The following COMMD1 variants were observed in gnomAD, a reference collection of about 807,000 sequenced individuals.
COMMD1 encodes the protein COMM domain-containing protein 1.
COMMD1 carries 10 observed loss-of-function variants against 17.2 expected under a neutral mutation model. The observed-to-expected ratio is 0.58, with a 90% confidence interval of 0.36 to 0.99. The LOEUF (loss-of-function observed/expected upper bound fraction) is 0.99. Ranked by LOEUF, COMMD1 falls within the 50% of genes least tolerant of loss-of-function variation. The pLI is 0.01. For synonymous variants in COMMD1, 97 were observed against 91.6 expected, an observed-to-expected ratio of 1.06 and a Z score of -0.34; for missense variants, 270 against 231.8, an observed-to-expected ratio of 1.17 and a Z score of -1.07.
intron 2 of COMMD1, among the ~76,000 whole-genome samples, chr2:62,005,570 G>A (rs1669088740): frequency 6.6e-6 from 1 of 152,228 alleles, no homozygotes; most frequent in Non-Finnish European, 1.5e-5. Flanking sequence ...AGACATTTAT[G>A]TAGCCAAAAG....
intron 2 of COMMD1, chr2:62,100,464 AT>A (rs1672146054): frequency 6.6e-6 from 1 of 152,214 alleles, no homozygotes; most frequent in South Asian, 2.1e-4. Flanking sequence ...GGTTTTATAC[AT>A]TTTAGGGAGG....
chr2:61,947,495 C>A (rs1020479066), intron 1 of COMMD1, among the ~76,000 whole-genome samples: 1 of 151,940 alleles, frequency 6.6e-6, no homozygotes, highest in African/African-American at 2.4e-5. Flanking sequence ...ACCAGCCTGG[C>A]CAACATGGTG....
chr2:62,015,594 G>A (rs912126813), intron 2 of COMMD1, among the ~76,000 whole-genome samples: 3 of 151,644 alleles, frequency 2.0e-5, no homozygotes, highest in Non-Finnish European at 4.4e-5. Context: ...TTAAGGAACT[G>A]ACAAACTATT....
chr2:62,038,834 G>C (rs1213681525), intron 2 of COMMD1, among the ~76,000 whole-genome samples: 1 of 151,910 alleles, frequency 6.6e-6, no homozygotes, highest in Non-Finnish European at 1.5e-5. Flanking sequence ...CAGGTGTGAG[G>C]CATCACTCCT....
At position 61,899,729 on chromosome 2, in the gene COMMD1, C is replaced by T. The variant is rs146091212; in HGVS notation, n.119+10887C>T. 7.0e-3 allele frequency among the ~76,000 whole-genome samples: 1,068 copies of T among 152,192 alleles called. 12 individuals carry two copies. The highest frequency in any genetic ancestry group is 0.024 in the African/African-American group (1,015 of 41,536). ...TTGCTCTGTCGCCCAGGCTGGAGTA[C>T]AGTGGCGTGATCCCAGCTCACTGCA... On this transcript the variant is annotated intron_variant and non_coding_transcript_variant, in intron 1 of 2. Coordinates refer to the COMMD1 transcript ENST00000472729.
chr2:62,031,844 AGATTATCT>A (rs1049346391), intron 2 of COMMD1, among the ~76,000 whole-genome samples: 1 of 152,210 alleles, frequency 6.6e-6, no homozygotes, highest in African/African-American at 2.4e-5. Context: ...ATCTTTACTC[AGATTATCT>A]CTGTCTGACA....
intron 1 of COMMD1, among the ~76,000 whole-genome samples, chr2:61,911,458 G>A (rs1486245575): frequency 2.6e-5 from 4 of 152,132 alleles, no homozygotes; most frequent in African/African-American, 9.7e-5. Context: ...CCTGGGCAAT[G>A]AGCAAAACTC....
chr2:61,928,248 C>T (rs976697335), intron 1 of COMMD1, among the ~76,000 whole-genome samples: 6 of 152,168 alleles, frequency 3.9e-5, no homozygotes, highest in African/African-American at 9.6e-5. Context: ...TTACGACCTC[C>T]GCCTCCTAAG....
At chr2:62,014,635 C>T (rs1669383527) in intron 2 of COMMD1, among the ~76,000 whole-genome samples, 1 of 133,900 alleles carries the variant, frequency 7.5e-6, no homozygotes, top group Non-Finnish European at 1.5e-5. Flanking sequence ...AATCTTGGCT[C>T]ACTGCAACCT....
intron 2 of COMMD1, among the ~76,000 whole-genome samples, chr2:62,004,911 C>G (rs1669069107): frequency 6.6e-6 from 1 of 152,174 alleles, no homozygotes; most frequent in African/African-American, 2.4e-5. Context: ...CAAGAAGTTG[C>G]TTCCAAGAAG....
chr2:62,086,745 G>C (rs1671681296), intron 2 of COMMD1, among the ~76,000 whole-genome samples: 1 of 152,092 alleles, frequency 6.6e-6, no homozygotes, highest in African/African-American at 2.4e-5. Context: ...GTGAACCTAG[G>C]ATCCAGAACT....
intron 2 of COMMD1, among the ~76,000 whole-genome samples, chr2:62,097,107 T>C (rs1327864011): frequency 6.6e-6 from 1 of 152,204 alleles, no homozygotes; most frequent in Non-Finnish European, 1.5e-5. Context: ...ATAGGAATAT[T>C]GGACAGTAAG....
chr2:61,976,498 G>T (rs1189932345), intron 1 of COMMD1, among the ~76,000 whole-genome samples: 1 of 152,086 alleles, frequency 6.6e-6, no homozygotes, highest in Non-Finnish European at 1.5e-5. Context: ...TTAACAATAA[G>T]CATCAAAATA....
upstream of COMMD1, among the ~76,000 whole-genome samples, chr2:61,902,612 A>G (rs75418440): frequency 6.6e-6 from 1 of 152,340 alleles, no homozygotes; most frequent in Middle Eastern, 3.4e-3. Flanking sequence ...AGTAAAAAAA[A>G]TTTACTCTCA....
rs1160361696 is a variant in COMMD1 at position 61,977,241 on chromosome 2, C to CTTTT, written c.181-23441_181-23438dup. The stretch of plus-strand genomic sequence containing the variant: ...AAACTGCTGTAAAAAATAAAGTTTG[C>CTTTT]TTTTTTTTTTTTTTTTTTTTTTGAG... On this transcript the variant is annotated intron_variant, in intron 1 of 2. Coordinates refer to ENST00000311832, the MANE Select transcript of COMMD1 (RefSeq NM_152516.4). 8.7e-4 allele frequency among the ~76,000 whole-genome samples: 77 copies of CTTTT among 88,790 alleles called. 3 individuals are homozygous for CTTTT. Among genetic ancestry groups the CTTTT allele is most frequent in the African/African-American group, 1.9e-3 (39 of 20,532 alleles). 58.2% of individuals were successfully genotyped at this position (88,790 alleles called of 152,430 possible). A position where few individuals can be genotyped will look rare whatever the true frequency, so the allele number is the denominator to read the frequency against.
rs563181195 is a variant in COMMD1 at position 62,034,029 on chromosome 2, G to C, written c.462+33047G>C. 8.9e-5 allele frequency among the ~76,000 whole-genome samples: 13 copies of C among 146,064 alleles called. No homozygotes were observed. In the East Asian group the frequency reaches 2.4e-3, roughly 27 times the overall value. On this transcript the variant is annotated intron_variant, in intron 2 of 2. Coordinates refer to ENST00000311832, the MANE Select transcript of COMMD1 (RefSeq NM_152516.4). ...GGAGGCTGAGGTGGTAGGATCGCTG[G>C]AGCCTAGGAAGTCAAGGCTGCAGTG...
chr2:62,004,321 G>A (rs925654164), intron 2 of COMMD1, among the ~76,000 whole-genome samples: 1 of 152,060 alleles, frequency 6.6e-6, no homozygotes, highest in Non-Finnish European at 1.5e-5. Context: ...TGTTTTTTGA[G>A]ATGGAGTCTC....
chr2:62,041,561 CTGTGTTT>C (rs1243996569), intron 2 of COMMD1, among the ~76,000 whole-genome samples: 2 of 151,954 alleles, frequency 1.3e-5, no homozygotes, highest in African/African-American at 4.8e-5. Flanking sequence ...CCAATTCTTT[CTGTGTTT>C]TGTGTGGAGA....
intron 1 of COMMD1, among the ~76,000 whole-genome samples, chr2:61,955,218 G>A (rs1473415558): frequency 2.0e-5 from 3 of 152,052 alleles, no homozygotes; most frequent in Non-Finnish European, 4.4e-5. Flanking sequence ...GCTGGGTGTG[G>A]TGGCTCATGT....
Sources: allele counts gnomAD v4.1 joint callset (sites outside exome capture counted in the v4.1 genomes callset), GRCh38; gene constraint gnomAD v4.1.1; transcripts MANE v1.5; gene names NCBI Gene and HGNC (gene_info 2026-07-23, HGNC 2026-07-21).